NRG1: variants seen among roughly 807,000 people sequenced by gnomAD.
NRG1 encodes neuregulin 1, also known as pro-neuregulin-1, membrane-bound isoform.
A neutral mutation model predicts 63.8 loss-of-function variants in NRG1; 18 were observed. The observed-to-expected ratio is 0.28, with a 90% CI of 0.19 to 0.42. The LOEUF is 0.42. Ranked by LOEUF, NRG1 falls within the 10% of genes least tolerant of loss-of-function variation. NRG1 has a pLI of 1.00. For synonymous variants in NRG1, 302 were observed against 301.3 expected (o/e 1.00, Z -0.02); for missense variants, 762 against 814.7 (o/e 0.94, Z 0.79).
downstream of NRG1, among the ~76,000 whole-genome samples, chr8:32,770,858 G>A (rs1041725271): frequency 6.6e-6 from 1 of 152,092 alleles, no homozygotes; most frequent in African/African-American, 2.4e-5. Context: ...CTAACACATA[G>A]CGAGTATTCA....
At chr8:31,886,061 G>A (rs927639585) in intron 1 of NRG1, among the ~76,000 whole-genome samples, 3 of 152,096 alleles carry the variant, frequency 2.0e-5, no homozygotes, top group African/African-American at 7.2e-5. Flanking sequence ...AATTAGTGAA[G>A]AGGGAACAAT....
intron 1 of NRG1, among the ~76,000 whole-genome samples, chr8:31,719,709 C>A (rs1386088834): frequency 6.6e-6 from 1 of 152,136 alleles, no homozygotes; most frequent in Non-Finnish European, 1.5e-5. Flanking sequence ...AGATGGCACA[C>A]CCTCTTCTGG....
In NRG1 at chr8:31,809,751, T is replaced by G. The variant is rs1408128894; in HGVS notation, c.37+170320T>G. Among the ~76,000 whole-genome samples, 8 of 149,042 alleles carry G rather than the reference T, an allele frequency of 5.4e-5. No homozygotes were observed. In the South Asian group the frequency reaches 1.3e-3, roughly 24 times the overall value. On this transcript the variant is annotated intron_variant, in intron 1 of 10. Coordinates refer to the NRG1 transcript ENST00000519301. The stretch of plus-strand genomic sequence containing the variant: ...CTCCTTCTATTAATTGTTTTTTTTT[T>G]TTTTTTTTTTTGAGAACTAGTTTTG...
At chr8:31,698,503 T>C (rs1810315367) in intron 1 of NRG1, among the ~76,000 whole-genome samples, 1 of 152,248 alleles carries the variant, frequency 6.6e-6, no homozygotes, top group Admixed American at 6.5e-5. Context: ...GCTAACTTTC[T>C]ATAATGTTCA....
rs969401261 is a variant in NRG1 at position 31,934,424 on chromosome 8, T to C, written c.37+294993T>C. Among the ~76,000 whole-genome samples the C allele has an allele frequency of 1.1e-4, 16 of 144,932 alleles. 1 individual carries two copies. The South Asian group carries it at 1.6e-3, about 14-fold the overall frequency. ...ACACACCCCTTTATTCGCTCTCTTT[T>C]TTTTTTTTTTTTTTTTTTTAGTTGG... On this transcript the variant is annotated intron_variant, in intron 1 of 10. Coordinates refer to the NRG1 transcript ENST00000519301.
At chr8:31,768,055 G>A (rs972564172) in intron 1 of NRG1, among the ~76,000 whole-genome samples, 2 of 152,104 alleles carry the variant, frequency 1.3e-5, no homozygotes, top group East Asian at 3.9e-4. Context: ...CAGGGCTGGA[G>A]TATCTTCTTA....
chr8:32,594,809 T>C (rs1843081787), intron 1 of NRG1, among the ~76,000 whole-genome samples: 1 of 152,180 alleles, frequency 6.6e-6, no homozygotes, highest in Non-Finnish European at 1.5e-5. Flanking sequence ...AGAGAATTTG[T>C]TGTGAGTAGT....
At chr8:31,976,404 A>G (rs1294113036) in intron 1 of NRG1, among the ~76,000 whole-genome samples, 2 of 152,072 alleles carry the variant, frequency 1.3e-5, no homozygotes, top group Non-Finnish European at 2.9e-5. Context: ...TATATTAACC[A>G]TATGTTCTGA....
At chr8:32,384,178 A>C (rs1471670293) in intron 1 of NRG1, among the ~76,000 whole-genome samples, 2 of 152,186 alleles carry the variant, frequency 1.3e-5, no homozygotes, top group Non-Finnish European at 2.9e-5. Context: ...TCAAGGCTGC[A>C]GTGAGTTGTG....
intron 1 of NRG1, among the ~76,000 whole-genome samples, chr8:31,707,208 T>G (rs1252714625): frequency 6.6e-6 from 1 of 152,134 alleles, no homozygotes; most frequent in African/African-American, 2.4e-5. Flanking sequence ...TGGAATTGGC[T>G]TGTAGTAAGA....
chr8:32,344,813 T>G (rs1033994671), intron 1 of NRG1, among the ~76,000 whole-genome samples: 1 of 152,068 alleles, frequency 6.6e-6, no homozygotes, highest in Non-Finnish European at 1.5e-5. Context: ...ATATAAAAGT[T>G]TGTTAGTAGA....
At chr8:32,504,674 G>C (rs1362593501) in intron 1 of NRG1, among the ~76,000 whole-genome samples, 1 of 152,036 alleles carries the variant, frequency 6.6e-6, no homozygotes, top group Non-Finnish European at 1.5e-5. Flanking sequence ...TATAAATATA[G>C]AAACACAAAA....
At chr8:32,365,403 G>A (rs56382666) in intron 1 of NRG1, among the ~76,000 whole-genome samples, 8,749 of 151,374 alleles carry the variant, frequency 0.058, 324 homozygotes, top group Middle Eastern at 0.099. Flanking sequence ...TAAGATTTAC[G>A]TAGTTGGATT....
At chr8:31,747,968 T>C (rs1816060811) in intron 1 of NRG1, among the ~76,000 whole-genome samples, 1 of 151,984 alleles carries the variant, frequency 6.6e-6, no homozygotes, top group Admixed American at 6.6e-5. Context: ...TAGTCTTTGG[T>C]TGAATTTATT....
At chr8:32,277,723 G>T (rs985988838) in intron 1 of NRG1, among the ~76,000 whole-genome samples, 2 of 152,154 alleles carry the variant, frequency 1.3e-5, no homozygotes, top group African/African-American at 4.8e-5. Flanking sequence ...TATGCAGTTG[G>T]CAGAGGCCGG....
chr8:31,915,943 G>A (rs980176091), intron 1 of NRG1, among the ~76,000 whole-genome samples: 14 of 152,188 alleles, frequency 9.2e-5, no homozygotes, highest in African/African-American at 3.4e-4. Context: ...TTCTCAAATG[G>A]TTGGTCCTTA....
At chr8:32,637,469 C>T (rs1277404714) in intron 5 of NRG1, among the ~76,000 whole-genome samples, 1 of 152,048 alleles carries the variant, frequency 6.6e-6, no homozygotes, top group Non-Finnish European at 1.5e-5. Context: ...TGTTCCTGTT[C>T]CCTAATAATT....
chr8:32,101,041 T>C (rs63215260), intron 1 of NRG1, among the ~76,000 whole-genome samples: 2 of 147,944 alleles, frequency 1.4e-5, no homozygotes, highest in Admixed American at 1.4e-4. Flanking sequence ...GCTTTTTTTT[T>C]CCTAGGCATT....
chr8:32,771,367 C>T, downstream of NRG1, among the ~76,000 whole-genome samples: 1 of 145,708 alleles, frequency 6.9e-6, no homozygotes, highest in Non-Finnish European at 1.5e-5. Context: ...CTTAAGTGAT[C>T]CTCCTGCCTC....
Sources: allele counts gnomAD v4.1 joint callset (sites outside exome capture counted in the v4.1 genomes callset), GRCh38; gene constraint gnomAD v4.1.1; transcripts MANE v1.5; gene names NCBI Gene and HGNC (gene_info 2026-07-23, HGNC 2026-07-21).